Variants in IPCEF1 observed in about 807,000 individuals in gnomAD.
IPCEF1 encodes interactor protein for cytohesin exchange factors 1.
IPCEF1 carries 31 observed loss-of-function variants against 50.9 expected under a neutral mutation model. The observed-to-expected ratio is 0.61, with a 90% CI of 0.46 to 0.82. The LOEUF is 0.82. IPCEF1 is among the 40% of genes least tolerant of loss of function. The pLI is 0.00. For synonymous variants in IPCEF1, 181 were observed against 192.0 expected (o/e 0.94, Z 0.47); for missense variants, 458 against 514.0 (o/e 0.89, Z 1.05).
At chr6:154,172,257 G>T (rs1280502753) in intron 10 of IPCEF1, among the ~76,000 whole-genome samples, 1 of 152,188 alleles carries the variant, frequency 6.6e-6, no homozygotes, top group South Asian at 2.1e-4. Flanking sequence ...ATTCCCAACT[G>T]AAGTACCTGG....
chr6:154,168,126 A>G lies in IPCEF1; in HGVS notation c.911-13T>C, dbSNP rs1195447838. ...ACTTTTGTCTCTTCTATTTGAAAAA[A>G]AAAAAGAAAGCAGTAACAATAAACC... On this transcript the variant is annotated splice_polypyrimidine_tract_variant and intron_variant, in intron 10 of 11. Coordinates refer to ENST00000367220, the MANE Select transcript of IPCEF1 (RefSeq NM_001130700.2). The surrounding 1 kb of genome is among the most constrained non-coding windows in gnomAD (Gnocchi z 4.1). The G allele has an allele frequency of 6.6e-7, 1 of 1,525,920 alleles. No homozygotes were observed. The highest frequency in any genetic ancestry group is 2.0e-5 in the Admixed American group (1 of 49,316). 94.5% of individuals were successfully genotyped at this position (1,525,920 alleles called of 1,614,324 possible).
Position 154,168,029 on chromosome 6 carries a change from C to T in IPCEF1, c.995G>A (p.Arg332Gln), listed in dbSNP as rs766898382. Reference sequence around the variant, plus strand: ...CAACTCCTTTTTAGTCGAAGGTCGTCGGTCCCCAAGAGGAGATAGACTAGC... The same window carrying T: ...CAACTCCTTTTTAGTCGAAGGTCGTTGGTCCCCAAGAGGAGATAGACTAGC... ...EQASLSPLGD[R>Q]RPSTKKELRK... Residue 332 changes from arginine to glutamine, a missense_variant, in exon 11 of 12, where the codon CGA becomes CAA. Arg to Gln is a conservative substitution (Grantham distance 43). Coordinates refer to ENST00000367220, the MANE Select transcript of IPCEF1 (RefSeq NM_001130700.2). This position sits in a 1 kb window ranked among gnomAD's most constrained non-coding sequence, Gnocchi z 4.1. 27 of 1,611,062 alleles carry T rather than the reference C, an allele frequency of 1.7e-5. No individual in the cohort carries two copies. Among genetic ancestry groups the T allele is most frequent in the Non-Finnish European group, 2.1e-5 (25 of 1,177,766 alleles).
intron 1 of IPCEF1, among the ~76,000 whole-genome samples, chr6:154,340,112 G>T (rs896568140): frequency 6.6e-6 from 1 of 152,090 alleles, no homozygotes; most frequent in African/African-American, 2.4e-5. Flanking sequence ...TTTGAGGCGG[G>T]TCTCAGTTAA....
intron 5 of IPCEF1, among the ~76,000 whole-genome samples, chr6:154,242,965 G>A (rs1780718457): frequency 6.6e-6 from 1 of 152,180 alleles, no homozygotes; most frequent in South Asian, 2.1e-4. Context: ...GAGAAGGTAC[G>A]TGCCTCTAGA....
chr6:154,194,861 T>C (rs1329223572), intron 10 of IPCEF1, among the ~76,000 whole-genome samples: 1 of 152,164 alleles, frequency 6.6e-6, no homozygotes, highest in African/African-American at 2.4e-5. Flanking sequence ...ATCAATGCCA[T>C]TGATGCCAAT....
At chr6:154,203,095 A>C (rs1015489760) in intron 9 of IPCEF1, among the ~76,000 whole-genome samples, 8 of 152,216 alleles carry the variant, frequency 5.3e-5, no homozygotes, top group African/African-American at 1.9e-4. Flanking sequence ...GGAGAAACCA[A>C]TAGCCAACAT....
At chr6:154,294,932 C>A (rs1210088462) in intron 1 of IPCEF1, among the ~76,000 whole-genome samples, 1 of 152,076 alleles carries the variant, frequency 6.6e-6, no homozygotes, top group Admixed American at 6.6e-5. Flanking sequence ...GGCGTGGTAA[C>A]TCATGCCTGT....
intron 1 of IPCEF1, among the ~76,000 whole-genome samples, chr6:154,338,720 A>C (rs1783841515): frequency 6.6e-6 from 1 of 152,140 alleles, no homozygotes; most frequent in African/African-American, 2.4e-5. Context: ...CAGGAGTTTG[A>C]GACTGGCCTG....
intron 2 of IPCEF1, among the ~76,000 whole-genome samples, chr6:154,276,216 A>G (rs1191591185): frequency 6.6e-6 from 1 of 151,432 alleles, no homozygotes; most frequent in Non-Finnish European, 1.5e-5. Flanking sequence ...AAAGAGAGAG[A>G]GAGAGAAAAG....
chr6:154,347,043 T>C (rs554244989), intron 1 of IPCEF1, among the ~76,000 whole-genome samples: 1 of 152,172 alleles, frequency 6.6e-6, no homozygotes, highest in Non-Finnish European at 1.5e-5. Flanking sequence ...TCTTTGGGAA[T>C]GAGATTTTCC....
intron 1 of IPCEF1, among the ~76,000 whole-genome samples, chr6:154,353,578 C>T (rs965583364): frequency 1.3e-5 from 2 of 152,102 alleles, no homozygotes; most frequent in African/African-American, 4.8e-5. Flanking sequence ...TGAGAGCCAC[C>T]GCACCCGGGC....
intron 5 of IPCEF1, among the ~76,000 whole-genome samples, chr6:154,232,143 G>A (rs1779772094): frequency 6.6e-6 from 1 of 151,968 alleles, no homozygotes; most frequent in Non-Finnish European, 1.5e-5. Flanking sequence ...CAACTCATCT[G>A]CCCCTTCCTT....
At chr6:154,202,589 C>T (rs1777160132) in intron 9 of IPCEF1, among the ~76,000 whole-genome samples, 1 of 152,188 alleles carries the variant, frequency 6.6e-6, no homozygotes, top group South Asian at 2.1e-4. Context: ...CTCCTGCTGA[C>T]TCTACTTTAA....
intron 1 of IPCEF1, among the ~76,000 whole-genome samples, chr6:154,338,275 A>G (rs1392922771): frequency 6.6e-6 from 1 of 152,130 alleles, no homozygotes. Flanking sequence ...TTCTTTATAG[A>G]GTCATAGATA....
In IPCEF1 at chr6:154,201,519, C is replaced by G. The variant is rs189796342; in HGVS notation, c.538-1479G>C. 2.0e-5 allele frequency among the ~76,000 whole-genome samples: 3 copies of G among 152,260 alleles called. No homozygotes were observed. The East Asian group carries it at 5.8e-4, about 29-fold the overall frequency. ...ACAGATCACCCTATATCTCCAACAG[C>G]AGACAAGGTAGAGAAGGCATTTTAT... On this transcript the variant is annotated intron_variant, in intron 9 of 11. Transcript: ENST00000367220.
rs893087859 is a variant in IPCEF1 at position 154,335,027 on chromosome 6, C to A, written c.-62+21645G>T. ...CTCCCTGTAAAACCAAGAATATAACCACACCTAAACAGATCGTGTCACAAG... is the reference window on the plus strand; with the variant it reads ...CTCCCTGTAAAACCAAGAATATAACAACACCTAAACAGATCGTGTCACAAG... On this transcript the variant is annotated intron_variant, in intron 1 of 11. Coordinates refer to ENST00000367220, the MANE Select transcript of IPCEF1 (RefSeq NM_001130700.2). Among the ~76,000 whole-genome samples, 4 of 151,878 alleles carry A rather than the reference C, an allele frequency of 2.6e-5. No individual in the cohort carries two copies. In the East Asian group the frequency reaches 7.7e-4, roughly 29 times the overall value.
intron 2 of IPCEF1, among the ~76,000 whole-genome samples, chr6:154,273,724 C>CTTTTTTTTTT (rs71021036): frequency 6.3e-5 from 4 of 63,326 alleles, no homozygotes; most frequent in Non-Finnish European, 9.5e-5. Flanking sequence ...TTCTTTCTTT[C>CTTTTTTTTTT]TTTTTTTTTT....
chr6:154,246,876 A>G, intron 4 of IPCEF1, 116 bp from the exon 5 acceptor site: 1 of 1,217,276 alleles, frequency 8.2e-7, no homozygotes, highest in African/African-American at 1.6e-5. Flanking sequence ...CCCCCCGGGG[A>G]GCTGGATTTT....
At chr6:154,200,258 C>T (rs905851626) in intron 9 of IPCEF1, among the ~76,000 whole-genome samples, 14 of 152,176 alleles carry the variant, frequency 9.2e-5, no homozygotes, top group Non-Finnish European at 2.1e-4. Context: ...ATTCACTGTT[C>T]TAGGATCTGA....
Sources: gnomAD v4.1 joint callset for allele counts (sites outside exome capture counted in the v4.1 genomes callset) on GRCh38, gnomAD v4.1.1 for gene constraint, Gnocchi (gnomAD v3.1) non-coding constraint, MANE v1.5 for transcripts, NCBI Gene and HGNC (gene_info 2026-07-23, HGNC 2026-07-21) for gene names.